Variants in ZNF385D observed in about 807,000 individuals in gnomAD.
ZNF385D encodes the protein zinc finger protein 385D.
A neutral mutation model predicts 35.8 loss-of-function variants in ZNF385D; 15 were observed. The observed-to-expected ratio is 0.42, with a 90% confidence interval of 0.28 to 0.64. ZNF385D has a LOEUF of 0.64. Ranked by LOEUF, ZNF385D falls within the 30% of genes least tolerant of loss-of-function variation. ZNF385D has a pLI of 0.23. For synonymous variants in ZNF385D, 212 were observed against 186.8 expected (o/e 1.13, Z -1.10); for missense variants, 474 against 494.6 (o/e 0.96, Z 0.39).
At chr3:22,084,857 G>A (rs1031776359) in intron 3 of ZNF385D, among the ~76,000 whole-genome samples, 1 of 152,150 alleles carries the variant, frequency 6.6e-6, no homozygotes, top group Admixed American at 6.5e-5. Context: ...TAAAAGAACA[G>A]AAATCACAAC....
intron 3 of ZNF385D, among the ~76,000 whole-genome samples, chr3:21,876,007 A>G (rs987786567): frequency 6.6e-6 from 1 of 152,168 alleles, no homozygotes; most frequent in Non-Finnish European, 1.5e-5. Flanking sequence ...TTAGAAATTT[A>G]AAATCCAGAA....
At chr3:22,106,196 T>G (rs891594728) in intron 3 of ZNF385D, among the ~76,000 whole-genome samples, 2 of 152,116 alleles carry the variant, frequency 1.3e-5, no homozygotes, top group African/African-American at 4.8e-5. Flanking sequence ...TGAAAATCAC[T>G]GCCATAAATA....
chr3:21,945,302 T>C (rs993859269), intron 3 of ZNF385D, among the ~76,000 whole-genome samples: 7 of 152,066 alleles, frequency 4.6e-5, no homozygotes, highest in African/African-American at 1.4e-4. Flanking sequence ...TTAATAGAGT[T>C]TGTGAATATT....
chr3:22,314,931 G>A (rs1703801933), intron 2 of ZNF385D, among the ~76,000 whole-genome samples: 1 of 152,096 alleles, frequency 6.6e-6, no homozygotes, highest in Non-Finnish European at 1.5e-5. Context: ...ATGATCAAGG[G>A]GAAAATGAAT....
chr3:21,602,509 T>C (rs1270927044), intron 2 of ZNF385D, among the ~76,000 whole-genome samples: 1 of 134,780 alleles, frequency 7.4e-6, no homozygotes, highest in Non-Finnish European at 1.5e-5. Context: ...CCTGTTTCCC[T>C]GCATTTTCTT....
intron 3 of ZNF385D, among the ~76,000 whole-genome samples, chr3:21,764,066 G>T (rs917213746): frequency 6.6e-6 from 1 of 152,142 alleles, no homozygotes. Context: ...GGGAAAGATG[G>T]ATAATCAGGG....
At chr3:21,611,751 G>A (rs2064686323) in intron 2 of ZNF385D, among the ~76,000 whole-genome samples, 1 of 151,936 alleles carries the variant, frequency 6.6e-6, no homozygotes, top group Admixed American at 6.5e-5. Flanking sequence ...CTGCAACAAG[G>A]ATACCACATT....
rs866906717 is a variant in ZNF385D, at chr3:21,619,255, G to T, written c.165+45631C>A. ...TTGAGATTTGTTCTCTCATCTCCTC[G>T]CATGGCAGCCTTGTGAATACAATCT... On this transcript the variant is annotated intron_variant, in intron 2 of 7. Coordinates refer to ENST00000281523, the MANE Select transcript of ZNF385D (RefSeq NM_024697.3). Among the ~76,000 whole-genome samples the T allele has an allele frequency of 2.2e-4, 34 of 152,118 alleles. 2 individuals carry two copies. Among genetic ancestry groups the T allele is most frequent in the Middle Eastern group, 3.4e-3 (1 of 294 alleles).
chr3:22,323,990 A>G (rs183362490), intron 2 of ZNF385D, among the ~76,000 whole-genome samples: 1 of 152,316 alleles, frequency 6.6e-6, no homozygotes, highest in African/African-American at 2.4e-5. Flanking sequence ...ATGGTCCAAT[A>G]TTAGGATAAC....
chr3:21,449,101 G>T (rs1312134990), intron 4 of ZNF385D, among the ~76,000 whole-genome samples: 1 of 151,138 alleles, frequency 6.6e-6, no homozygotes, highest in Non-Finnish European at 1.5e-5. Flanking sequence ...AGAAAAAAAT[G>T]ACTTATTGGT....
chr3:21,797,124 G>T (rs2072189905), intron 3 of ZNF385D, among the ~76,000 whole-genome samples: 1 of 152,118 alleles, frequency 6.6e-6, no homozygotes, highest in Non-Finnish European at 1.5e-5. Flanking sequence ...AATATACAAA[G>T]AACTATTCAA....
At chr3:22,037,026 A>C (rs1294690157) in intron 3 of ZNF385D, among the ~76,000 whole-genome samples, 1 of 151,906 alleles carries the variant, frequency 6.6e-6, no homozygotes, top group Non-Finnish European at 1.5e-5. Flanking sequence ...TCCATATCCC[A>C]AAAAGAACAT....
At chr3:22,079,702 T>A (rs1700649931) in intron 3 of ZNF385D, among the ~76,000 whole-genome samples, 2 of 152,060 alleles carry the variant, frequency 1.3e-5, no homozygotes, top group South Asian at 4.1e-4. Context: ...ATTAAATATG[T>A]CTTTATTTGT....
intron 2 of ZNF385D, among the ~76,000 whole-genome samples, chr3:22,348,023 G>T (rs1213512777): frequency 1.3e-5 from 2 of 152,020 alleles, no homozygotes; most frequent in African/African-American, 4.8e-5. Context: ...TGTGATAATT[G>T]CAGCATGTAT....
chr3:21,428,509 A>G (rs1209916586), intron 5 of ZNF385D, among the ~76,000 whole-genome samples: 1 of 152,066 alleles, frequency 6.6e-6, no homozygotes, highest in Non-Finnish European at 1.5e-5. Flanking sequence ...TATTTTGTTA[A>G]TACTGTCTTT....
chr3:21,988,274 T>C (rs1207439919), intron 3 of ZNF385D, among the ~76,000 whole-genome samples: 14 of 121,876 alleles, frequency 1.1e-4, no homozygotes, highest in African/African-American at 4.1e-4. Flanking sequence ...GTTTTTCTGT[T>C]CTGTTTTTTC....
At chr3:22,158,330 T>G (rs887049030) in intron 3 of ZNF385D, among the ~76,000 whole-genome samples, 3 of 152,088 alleles carry the variant, frequency 2.0e-5, no homozygotes, top group Non-Finnish European at 2.9e-5. Flanking sequence ...GAAGTTCTAT[T>G]GGAAACCAGA....
intron 3 of ZNF385D, among the ~76,000 whole-genome samples, chr3:21,518,041 G>T (rs1039335179): frequency 2.0e-5 from 3 of 152,020 alleles, no homozygotes; most frequent in Admixed American, 6.5e-5. Flanking sequence ...CAGGTGATTT[G>T]GTTAACTCTA....
At chr3:21,458,144 A>G (rs545329675) in intron 4 of ZNF385D, among the ~76,000 whole-genome samples, 1 of 152,164 alleles carries the variant, frequency 6.6e-6, no homozygotes, top group South Asian at 2.1e-4. Flanking sequence ...AAGTAACTAT[A>G]TAAAACCTAG....
Sources: allele counts gnomAD v4.1 joint callset (sites outside exome capture counted in the v4.1 genomes callset), GRCh38; gene constraint gnomAD v4.1.1; transcripts MANE v1.5; gene names NCBI Gene and HGNC (gene_info 2026-07-23, HGNC 2026-07-21).